TRERF1: variants seen among roughly 807,000 people sequenced by gnomAD.
TRERF1 encodes the protein transcriptional regulating factor 1, also known as transcriptional-regulating factor 1.
In TRERF1, 27 loss-of-function variants were observed where a neutral mutation model predicts 122.9. The observed-to-expected ratio is 0.22, with a 90% CI of 0.16 to 0.30. TRERF1 has a LOEUF of 0.30. Ranked by LOEUF, TRERF1 falls within the 10% of genes least tolerant of loss-of-function variation. The pLI, the probability that TRERF1 is intolerant of heterozygous loss-of-function variation, is 1.00. For missense variants in TRERF1, 1,248 were observed against 1,560.3 expected, an observed-to-expected ratio of 0.80 and a Z score of 3.37; for synonymous variants, 636 against 641.7, an observed-to-expected ratio of 0.99 and a Z score of 0.13.
chr6:42,288,634 A>C (rs1407378112), intron 4 of TRERF1, among the ~76,000 whole-genome samples: 1 of 151,214 alleles, frequency 6.6e-6, no homozygotes, highest in Non-Finnish European at 1.5e-5. Flanking sequence ...CAGAAAAGTC[A>C]GGGAAGGATC....
chr6:42,269,251 C>A lies in TRERF1; in HGVS notation c.340G>T (p.Ala114Ser). 6.2e-7 allele frequency: 1 copy of A among 1,614,202 alleles called. No individual in the cohort carries two copies. Among genetic ancestry groups the A allele is most frequent in the Non-Finnish European group, 8.5e-7 (1 of 1,180,034 alleles). ...TATTGGTAGCCATCAGTGGGCTCAGCCTGGGCTGGTGCCCCCCACATCATG... is the reference window on the plus strand; with the variant it reads ...TATTGGTAGCCATCAGTGGGCTCAGACTGGGCTGGTGCCCCCCACATCATG... The change falls in exon 5 of 18, where the codon GCT becomes TCT. Residue 114 changes from alanine (A) to serine (S), a missense_variant. Physicochemically the swap from Ala to Ser is moderately conservative, Grantham distance 99 (BLOSUM62 1). Coordinates refer to ENST00000372922, the Ensembl canonical transcript of TRERF1. This position sits in a 1 kb window ranked among gnomAD's most constrained non-coding sequence, Gnocchi z 4.9.
chr6:42,317,557 G>T (rs1408695691), intron 3 of TRERF1, among the ~76,000 whole-genome samples: 1 of 151,852 alleles, frequency 6.6e-6, no homozygotes, highest in Non-Finnish European at 1.5e-5. Context: ...GTCTCATTTT[G>T]TTGCCCAGGC....
chr6:42,431,214 TAGA>T (rs1582191630), intron 2 of TRERF1, among the ~76,000 whole-genome samples: 2 of 152,052 alleles, frequency 1.3e-5, no homozygotes. Flanking sequence ...ATTCAATAAA[TAGA>T]AGACATTTTA....
chr6:42,392,931 T>TACACACACACACACACACACACACAC (rs58784390), intron 2 of TRERF1, among the ~76,000 whole-genome samples: 1 of 148,002 alleles, frequency 6.8e-6, no homozygotes, highest in African/African-American at 2.5e-5. Flanking sequence ...TACACACACA[T>TACACACACACACACACACACACACAC]ACACACACAC....
At chr6:42,310,021 C>T (rs886211680) in intron 3 of TRERF1, among the ~76,000 whole-genome samples, 1 of 152,146 alleles carries the variant, frequency 6.6e-6, no homozygotes, top group African/African-American at 2.4e-5. Flanking sequence ...GTCTTGCCTC[C>T]CAAAGTGCTG....
chr6:42,267,634 A>AAAAAAC (rs1554136770), intron 5 of TRERF1, among the ~76,000 whole-genome samples: 1 of 152,178 alleles, frequency 6.6e-6, no homozygotes, highest in Non-Finnish European at 1.5e-5. Flanking sequence ...TCCATCTCAA[A>AAAAAAC]AAAAACAAAA....
chr6:42,288,628 A>G (rs1442052018), intron 4 of TRERF1, among the ~76,000 whole-genome samples: 3 of 151,692 alleles, frequency 2.0e-5, no homozygotes, highest in African/African-American at 7.3e-5. Context: ...CCTTGGCAGA[A>G]AAGTCAGGGA....
chr6:42,446,936 C>T (rs116019871), intron 2 of TRERF1, among the ~76,000 whole-genome samples: 2,234 of 152,292 alleles, frequency 0.015, 52 homozygotes, highest in African/African-American at 0.051. Flanking sequence ...ACCCGAGAGG[C>T]AGAGGCTGCA....
At chr6:42,346,073 A>C (rs1344014258) in intron 3 of TRERF1, among the ~76,000 whole-genome samples, 1 of 152,266 alleles carries the variant, frequency 6.6e-6, no homozygotes, top group African/African-American at 2.4e-5. Context: ...AGTGCTTACT[A>C]TATGTGTAAT....
At chr6:42,436,810 AAAAAATATATATATATATATAT>A (rs1785467915) in intron 2 of TRERF1, among the ~76,000 whole-genome samples, 1 of 102,268 alleles carries the variant, frequency 9.8e-6, no homozygotes, top group Admixed American at 1.1e-4. Flanking sequence ...CAAAAAAAAA[AAAAAATATATATATATATATAT>A]ATATATATAT....
chr6:42,420,178 C>T (rs1260078867), intron 2 of TRERF1, among the ~76,000 whole-genome samples: 2 of 152,208 alleles, frequency 1.3e-5, no homozygotes, highest in African/African-American at 2.4e-5. Context: ...CTTCCCAGGA[C>T]TTAGTTTCCT....
Position 42,351,830 on chromosome 6 carries a change from C to T in TRERF1, c.-371+11167G>A, listed in dbSNP as rs112721026. ...TCTTCCTCCATCTGCCAAACAGACA[C>T]AGGGGACTCCAAGACCCTAGGGAAT... is the stretch of plus-strand genomic sequence containing the variant. On this transcript the variant is annotated intron_variant, in intron 3 of 17. Transcript: ENST00000372922. Among the ~76,000 whole-genome samples, 623 of 152,222 alleles carry T rather than the reference C, an allele frequency of 4.1e-3. 2 individuals are homozygous for T. Among genetic ancestry groups the T allele is most frequent in the Non-Finnish European group, 6.7e-3 (458 of 68,008 alleles).
At chr6:42,240,005 G>T (rs1265650138) in intron 15 of TRERF1, among the ~76,000 whole-genome samples, 2 of 151,900 alleles carry the variant, frequency 1.3e-5, no homozygotes, top group African/African-American at 4.8e-5. Context: ...GGCCCCTTGG[G>T]CACCCTCTTA....
intron 3 of TRERF1, among the ~76,000 whole-genome samples, chr6:42,323,777 T>C (rs1049185860): frequency 3.3e-5 from 5 of 151,730 alleles, no homozygotes; most frequent in African/African-American, 9.7e-5. Flanking sequence ...GAAGGTTGAG[T>C]GGAATTAGAC....
At chr6:42,421,997 CT>C (rs1330931568) in intron 2 of TRERF1, among the ~76,000 whole-genome samples, 1 of 149,830 alleles carries the variant, frequency 6.7e-6, no homozygotes, top group Non-Finnish European at 1.5e-5. Flanking sequence ...GTGAAACCCT[CT>C]CTCTACTAAA....
chr6:42,419,413 C>T (rs982029478), intron 2 of TRERF1, among the ~76,000 whole-genome samples: 1 of 152,048 alleles, frequency 6.6e-6, no homozygotes. Flanking sequence ...CAAGCGCATG[C>T]CTGTGGCCTG....
intron 2 of TRERF1, among the ~76,000 whole-genome samples, chr6:42,431,552 G>A (rs991637252): frequency 6.6e-6 from 1 of 152,122 alleles, no homozygotes; most frequent in Non-Finnish European, 1.5e-5. Context: ...CAATTAGTGG[G>A]CCCTCTATTT....
At chr6:42,324,721 C>A (rs1488737505) in intron 3 of TRERF1, among the ~76,000 whole-genome samples, 2 of 152,084 alleles carry the variant, frequency 1.3e-5, no homozygotes, top group Non-Finnish European at 2.9e-5. Flanking sequence ...AAAACTGGAC[C>A]CCTATTTATC....
chr6:42,315,989 G>C (rs1762428832), intron 3 of TRERF1, among the ~76,000 whole-genome samples: 2 of 152,162 alleles, frequency 1.3e-5, no homozygotes. Flanking sequence ...ATAAGAGGCT[G>C]TTTTGGGATG....
Sources: gnomAD v4.1 joint callset for allele counts (sites outside exome capture counted in the v4.1 genomes callset) on GRCh38, gnomAD v4.1.1 for gene constraint, Gnocchi (gnomAD v3.1) non-coding constraint, MANE v1.5 for transcripts, NCBI Gene and HGNC (gene_info 2026-07-23, HGNC 2026-07-21) for gene names.